The following SYCP2 variants were observed in gnomAD, a reference collection of about 807,000 sequenced individuals.
The protein encoded by SYCP2 is synaptonemal complex protein 2, also known as synaptonemal complex lateral element protein.
Under a neutral mutation model 211.3 loss-of-function variants are expected in SYCP2, and 55 were observed. The ratio of observed to expected loss-of-function variants is 0.26; its 90% CI spans 0.21 to 0.33. SYCP2 has a LOEUF of 0.33. Among genes scored for constraint, SYCP2 ranks in the 10% least tolerant of loss-of-function variants. The probability of loss-of-function intolerance (pLI) is 1.00; values close to 1 mark genes in which losing one functional copy is unlikely to be tolerated. For synonymous variants in SYCP2, 570 were observed against 555.2 expected, an observed-to-expected ratio of 1.03 and a Z score of -0.37; for missense variants, 1,731 against 1,752.0, an observed-to-expected ratio of 0.99 and a Z score of 0.21.
rs776579166 is a variant in SYCP2, at chr20:59,900,716, A to G, written c.1257+28T>C. The G allele has an allele frequency of 5.0e-6, 8 of 1,590,882 alleles. No individual in the cohort carries two copies. The East Asian group carries it at 1.8e-4, about 36-fold the overall frequency. On this transcript the variant is annotated intron_variant, in intron 17 of 44. Transcript: ENST00000357552. ...AGTTATGGTTAAACTTAGCCCAGTG[A>G]TAAAAATCAAGTAAGTCTGAGACAT...
intron 34 of SYCP2, among the ~76,000 whole-genome samples, chr20:59,874,824 A>G (rs1176603131): frequency 6.6e-6 from 1 of 152,070 alleles, no homozygotes; most frequent in Non-Finnish European, 1.5e-5. Flanking sequence ...AAATAAAAGC[A>G]TAACCTCAAC....
chr20:59,884,275 G>C (rs900992734), intron 26 of SYCP2, among the ~76,000 whole-genome samples: 1 of 151,824 alleles, frequency 6.6e-6, no homozygotes, highest in African/African-American at 2.4e-5. Context: ...TCATGTAAAA[G>C]AGTCAAAAAG....
At chr20:59,879,211 C>T (rs1345865111) in intron 31 of SYCP2, among the ~76,000 whole-genome samples, 1 of 152,054 alleles carries the variant, frequency 6.6e-6, no homozygotes. Flanking sequence ...CCTCACCTTT[C>T]ACCATTTTCC....
In SYCP2 at chr20:59,868,571, T is replaced by TA. The variant is rs939997375; in HGVS notation, c.3833-4dup. 1 of 1,584,574 alleles carries TA rather than the reference T, an allele frequency of 6.3e-7. No individual in the cohort carries two copies. Among genetic ancestry groups the TA allele is most frequent in the African/African-American group, 1.4e-5 (1 of 73,000 alleles). On this transcript the variant is annotated splice_polypyrimidine_tract_variant and splice_region_variant and intron_variant, in intron 37 of 44. Transcript: ENST00000357552. ...GCGACTAAGATGTTGGGTGGGGCCT[T>TA]AGGAACAGTTAAAGAAAGTTAAAAG... is the stretch of plus-strand genomic sequence containing the variant.
intron 41 of SYCP2, among the ~76,000 whole-genome samples, 191 bp downstream of exon 41, chr20:59,866,093 TTATCAAAGA>T (rs2059327007): frequency 6.6e-6 from 1 of 151,852 alleles, no homozygotes; most frequent in African/African-American, 2.4e-5. Flanking sequence ...GGATTTCTCA[TTATCAAAGA>T]TATTCATCAT....
At chr20:59,894,321 G>A (rs2145744889) in intron 20 of SYCP2, among the ~76,000 whole-genome samples, 1 of 152,096 alleles carries the variant, frequency 6.6e-6, no homozygotes, top group East Asian at 1.9e-4. Context: ...CAATAGGTAA[G>A]CACAATCCTA....
chr20:59,890,606 GTAGA>G, intron 24 of SYCP2, among the ~76,000 whole-genome samples: 1 of 151,404 alleles, frequency 6.6e-6, no homozygotes, highest in African/African-American at 2.4e-5. Context: ...AGGTAGGTAG[GTAGA>G]GACAGTGATT....
chr20:59,922,598 T>C, intron 2 of SYCP2, 139 bp from the exon 3 acceptor site: 1 of 444,278 alleles, frequency 2.3e-6, no homozygotes. Context: ...CACCTGTTTA[T>C]TAAATTACAC....
rs557486538 is a variant in SYCP2, at chr20:59,888,421, C to CA, written c.2365-1588dup. Among the ~76,000 whole-genome samples, 86 of 152,018 alleles carry CA rather than the reference C, an allele frequency of 5.7e-4. 1 individual carries two copies. Among genetic ancestry groups the CA allele is most frequent in the Non-Finnish European group, 1.2e-3 (82 of 67,910 alleles). ...CAATCAATCAATATAAATTGATACA[C>CA]AAAAAACATCTAACAAAATCCAACA... is the stretch of plus-strand genomic sequence containing the variant. On this transcript the variant is annotated intron_variant, in intron 24 of 44. Coordinates refer to ENST00000357552, the MANE Select transcript of SYCP2 (RefSeq NM_014258.4).
rs570102997 is a variant in SYCP2 at position 59,891,991 on chromosome 20, A to ATTT, written c.2360_2362dup (p.Lys787dup). The ATTT allele has an allele frequency of 1.2e-5, 18 of 1,550,076 alleles. No individual in the cohort carries two copies. The highest frequency in any genetic ancestry group is 5.9e-5 in the Admixed American group (3 of 51,252). ...AATCAAAACACATTGAAAGCTCACC[A>ATTT]TTTTTTTTTGTTTCGAATCCCAGGA... is the stretch of plus-strand genomic sequence containing the variant. On this transcript the variant is annotated inframe_insertion and splice_region_variant, in exon 24 of 45. Coordinates refer to ENST00000357552, the MANE Select transcript of SYCP2 (RefSeq NM_014258.4).
intron 44 of SYCP2, among the ~76,000 whole-genome samples, chr20:59,864,716 T>C (rs1008044957): frequency 7.2e-5 from 11 of 152,040 alleles, no homozygotes; most frequent in Admixed American, 3.3e-4. Flanking sequence ...AGTAGCTTGT[T>C]TGCTTGAAGC....
At chr20:59,924,756 AAAAG>A (rs1246261082) in intron 2 of SYCP2, among the ~76,000 whole-genome samples, 2 of 152,022 alleles carry the variant, frequency 1.3e-5, no homozygotes, top group Non-Finnish European at 2.9e-5. Context: ...CCACACAAAC[AAAAG>A]AAAGCTAATA....
Position 59,892,167 on chromosome 20 carries a change from T to A in SYCP2, c.2187A>T (p.Leu729=). The A allele has an allele frequency of 6.2e-7, 1 of 1,612,414 alleles. No homozygotes were observed. The highest frequency in any genetic ancestry group is 8.5e-7 in the Non-Finnish European group (1 of 1,179,056). Residue 729 remains leucine (L), a synonymous_variant, in exon 24 of 45, where the codon CTA becomes CTT. Transcript: ENST00000357552. ...ESETTFKSVL[L]NKTIEESLIY... The stretch of plus-strand genomic sequence containing the variant: ...TCAGCGATTCTTCAATTGTCTTATT[T>A]AGGAGAACCGATTTAAAAGTAGTTT...
Position 59,921,461 on chromosome 20 carries a change from AAT to A in SYCP2, c.25-10_25-9del. The A allele has an allele frequency of 6.3e-7, 1 of 1,592,818 alleles. No homozygotes were observed. Among genetic ancestry groups the A allele is most frequent in the Non-Finnish European group, 8.6e-7 (1 of 1,168,106 alleles). On this transcript the variant is annotated splice_polypyrimidine_tract_variant and intron_variant, in intron 3 of 44. Coordinates refer to ENST00000357552, the MANE Select transcript of SYCP2 (RefSeq NM_014258.4). Reference sequence around the variant, plus strand: ...AATGCATTTTTCCAACTGCTAGAGAAATATATTTAATGGCACATACTGTATCA... The same window carrying A: ...AATGCATTTTTCCAACTGCTAGAGAAATATTTAATGGCACATACTGTATCA...
intron 15 of SYCP2, among the ~76,000 whole-genome samples, chr20:59,905,928 A>G (rs112825976): frequency 5.4e-4 from 82 of 152,280 alleles, no homozygotes; most frequent in African/African-American, 1.9e-3. Context: ...GATCAGAAAG[A>G]AAGTAGTAAA....
intron 26 of SYCP2, among the ~76,000 whole-genome samples, chr20:59,882,988 G>A (rs899045243): frequency 6.6e-6 from 1 of 151,994 alleles, no homozygotes; most frequent in Non-Finnish European, 1.5e-5. Context: ...TCTTACATTT[G>A]TAACATTCTC....
In SYCP2 at chr20:59,869,795, T is replaced by C; in HGVS notation, c.3741+3A>G. 6.3e-7 allele frequency: 1 copy of C among 1,585,694 alleles called. No homozygotes were observed. The highest frequency in any genetic ancestry group is 8.6e-7 in the Non-Finnish European group (1 of 1,158,896). On this transcript the variant is annotated splice_donor_region_variant and intron_variant, in intron 36 of 44. Transcript: ENST00000357552. Reference sequence around the variant, plus strand: ...AATTTATAAGTTATAGTCCCACACTTACCTCTCTTTTGCTTTGTATATAAT... The same window carrying C: ...AATTTATAAGTTATAGTCCCACACTCACCTCTCTTTTGCTTTGTATATAAT...
At chr20:59,915,761 A>G (rs1817356379) in intron 8 of SYCP2, 4 of 334,354 alleles carry the variant, frequency 1.2e-5, no homozygotes, top group Admixed American at 4.7e-5. Context: ...TGGGAGGCCA[A>G]GGCGGGCGGA....
intron 2 of SYCP2, among the ~76,000 whole-genome samples, chr20:59,925,352 C>G (rs1183572607): frequency 1.3e-5 from 2 of 151,884 alleles, no homozygotes; most frequent in Non-Finnish European, 2.9e-5. Flanking sequence ...CACATGTAGC[C>G]CAGAACTTAA....
Sources: gnomAD v4.1 joint callset for allele counts (sites outside exome capture counted in the v4.1 genomes callset) on GRCh38, gnomAD v4.1.1 for gene constraint, MANE v1.5 for transcripts, NCBI Gene and HGNC (gene_info 2026-07-23, HGNC 2026-07-21) for gene names.